The following PGPEP1 variants were observed in gnomAD, a reference collection of about 807,000 sequenced individuals.
PGPEP1 encodes the protein pyroglutamyl-peptidase I.
A neutral mutation model predicts 24.1 loss-of-function variants in PGPEP1; 15 were observed. That is an observed-to-expected ratio of 0.62 (90% confidence interval 0.42 to 0.96). PGPEP1 has a LOEUF of 0.96. Among genes scored for constraint, PGPEP1 ranks in the 40% least tolerant of loss-of-function variants. The pLI, the probability that PGPEP1 is intolerant of heterozygous loss-of-function variation, is 0.00. For missense variants in PGPEP1, 242 were observed against 273.4 expected, an observed-to-expected ratio of 0.89 and a Z score of 0.81; for synonymous variants, 122 against 116.4, an observed-to-expected ratio of 1.05 and a Z score of -0.31.
intron 4 of PGPEP1, among the ~76,000 whole-genome samples, chr19:18,359,158 T>G (rs1971272586): frequency 6.6e-6 from 1 of 151,836 alleles, no homozygotes; most frequent in Non-Finnish European, 1.5e-5. Flanking sequence ...GACAGGAGGA[T>G]TCCTTGAGCT....
At chr19:18,356,933 G>C (rs1971200617) in intron 3 of PGPEP1, among the ~76,000 whole-genome samples, 1 of 152,100 alleles carries the variant, frequency 6.6e-6, no homozygotes, top group Non-Finnish European at 1.5e-5. Context: ...AGCTACTTGG[G>C]AGGCGGAGGC....
At chr19:18,354,961 CTT>C (rs761843314) in intron 2 of PGPEP1, among the ~76,000 whole-genome samples, 24 of 94,724 alleles carry the variant, frequency 2.5e-4, no homozygotes, top group Admixed American at 1.5e-3. Context: ...TAAGTCGATA[CTT>C]TTTTTTTTTT....
chr19:18,354,961 CTTTTTTTTTTTTT>C (rs761843314), intron 2 of PGPEP1, among the ~76,000 whole-genome samples: 18 of 94,736 alleles, frequency 1.9e-4, no homozygotes, highest in African/African-American at 6.8e-4. Context: ...TAAGTCGATA[CTTTTTTTTTTTTT>C]TTTTTTTTTT....
intron 2 of PGPEP1, among the ~76,000 whole-genome samples, chr19:18,352,287 A>AAAAAAAAAAAAAAAAG (rs1568312895): frequency 2.0e-5 from 3 of 148,854 alleles, no homozygotes; most frequent in African/African-American, 4.9e-5. Context: ...AAAAAAAAAA[A>AAAAAAAAAAAAAAAAG]TTAGTTGGGT....
intron 2 of PGPEP1, among the ~76,000 whole-genome samples, chr19:18,346,581 G>T (rs1970850143): frequency 6.8e-6 from 1 of 146,594 alleles, no homozygotes. Context: ...TGTCTCTTCT[G>T]TCTCTCTCTC....
intron 1 of PGPEP1, among the ~76,000 whole-genome samples, chr19:18,340,919 G>A (rs1378258676): frequency 6.6e-6 from 1 of 152,292 alleles, no homozygotes; most frequent in South Asian, 2.1e-4. Context: ...GGGAGTCAGG[G>A]CAGTCGGGCG....
chr19:18,347,288 T>G (rs1970880014), intron 2 of PGPEP1, among the ~76,000 whole-genome samples: 2 of 144,216 alleles, frequency 1.4e-5, no homozygotes, highest in African/African-American at 5.2e-5. Context: ...TTTTTTTTTT[T>G]GTAGAGATGG....
intron 2 of PGPEP1, among the ~76,000 whole-genome samples, chr19:18,344,553 A>C (rs1311896211): frequency 1.2e-4 from 17 of 144,422 alleles, no homozygotes; most frequent in Non-Finnish European, 1.4e-4. Context: ...TCACCCCCTC[A>C]TCCCCAACTT....
At chr19:18,348,431 G>A (rs191623814) in intron 2 of PGPEP1, among the ~76,000 whole-genome samples, 1 of 152,320 alleles carries the variant, frequency 6.6e-6, no homozygotes, top group East Asian at 1.9e-4. Flanking sequence ...GGTAGATGGG[G>A]TGTAGACAAT....
At chr19:18,348,403 C>A (rs1027494675) in intron 2 of PGPEP1, among the ~76,000 whole-genome samples, 1 of 152,076 alleles carries the variant, frequency 6.6e-6, no homozygotes, top group East Asian at 1.9e-4. Context: ...GACGAGGCTG[C>A]GCGGCGGGGT....
Position 18,363,451 on chromosome 19 carries a change from C to T in PGPEP1, c.498C>T (p.Phe166=), listed in dbSNP as rs146707720. The T allele has an allele frequency of 9.3e-6, 15 of 1,614,164 alleles. No individual in the cohort carries two copies. The highest frequency in any genetic ancestry group is 1.7e-5 in the Admixed American group (1 of 60,012). The change falls in exon 5 of 5, where the codon TTC becomes TTT. Residue 166 remains phenylalanine (F), a synonymous_variant. Coordinates refer to ENST00000269919, the MANE Select transcript of PGPEP1 (RefSeq NM_017712.4). ...ACCAGAGTCACGGTCGATCAGCCTT[C>T]GTCCACGTGCCCCCACTGGGGAAGC... ...SLYQSHGRSA[F]VHVPPLGKPY... is the part of the protein sequence containing the mutation.
intron 2 of PGPEP1, among the ~76,000 whole-genome samples, chr19:18,348,304 T>C (rs78620587): frequency 0.019 from 2,915 of 152,086 alleles, 98 homozygotes; most frequent in African/African-American, 0.065. Context: ...CACGGGACAA[T>C]TGCTGCCACA....
intron 4 of PGPEP1, among the ~76,000 whole-genome samples, chr19:18,358,538 G>C (rs1272740812): frequency 1.3e-5 from 2 of 151,462 alleles, no homozygotes. Context: ...GGGATTACAG[G>C]CATGAGCCAC....
intron 2 of PGPEP1, among the ~76,000 whole-genome samples, chr19:18,350,029 T>G (rs568331167): frequency 6.6e-6 from 1 of 152,042 alleles, no homozygotes; most frequent in South Asian, 2.1e-4. Flanking sequence ...ATTTGTTTTT[T>G]GTTTGTTGGT....
chr19:18,361,263 A>C (rs540730326), intron 4 of PGPEP1, among the ~76,000 whole-genome samples: 57 of 151,924 alleles, frequency 3.8e-4, no homozygotes, highest in African/African-American at 1.4e-3. Flanking sequence ...TCAGCCTCCC[A>C]AGTAGCTGGG....
At chr19:18,362,850 C>A (rs982057874) in intron 4 of PGPEP1, among the ~76,000 whole-genome samples, 2 of 151,716 alleles carry the variant, frequency 1.3e-5, no homozygotes, top group Non-Finnish European at 2.9e-5. Flanking sequence ...CAGAGTGAGA[C>A]CCTGTCTCAA....
At chr19:18,362,726 CAA>C (rs71166506) in intron 4 of PGPEP1, among the ~76,000 whole-genome samples, 3 of 85,850 alleles carry the variant, frequency 3.5e-5, no homozygotes, top group East Asian at 4.4e-4. Flanking sequence ...GACTCTGTCT[CAA>C]AAAAAAAAAA....
Position 18,340,620 on chromosome 19 carries a change from G to C in PGPEP1, c.-62G>C. 1.4e-6 allele frequency: 2 copies of C among 1,466,342 alleles called. No individual in the cohort carries two copies. The highest frequency in any genetic ancestry group is 1.8e-6 in the Non-Finnish European group (2 of 1,100,186). 90.8% of individuals were successfully genotyped at this position (1,466,342 alleles called of 1,614,324 possible). A position where few individuals can be genotyped will look rare whatever the true frequency, so the allele number is the denominator to read the frequency against. On this transcript the variant is annotated 5_prime_UTR_variant, in exon 1 of 5. Coordinates refer to ENST00000269919, the MANE Select transcript of PGPEP1 (RefSeq NM_017712.4). ...GGCCTCGCGCGGCCGAGAGGCTGCA[G>C]CGGCAGCAGCTGTCGCGCCAGTCGC... is the stretch of plus-strand genomic sequence containing the variant.
At chr19:18,355,190 C>T (rs1396389054) in intron 2 of PGPEP1, among the ~76,000 whole-genome samples, 2 of 151,226 alleles carry the variant, frequency 1.3e-5, no homozygotes, top group Non-Finnish European at 2.9e-5. Flanking sequence ...AGGATGGTCT[C>T]GATCTCCTGA....
Sources: allele counts gnomAD v4.1 joint callset (sites outside exome capture counted in the v4.1 genomes callset), GRCh38; gene constraint gnomAD v4.1.1; transcripts MANE v1.5; gene names NCBI Gene and HGNC (gene_info 2026-07-23, HGNC 2026-07-21).